Variants in DMXL2 observed in about 807,000 individuals in gnomAD.
The protein encoded by DMXL2 is Dmx like 2.
DMXL2 carries 103 observed loss-of-function variants against 331.1 expected under a neutral mutation model. The observed-to-expected ratio is 0.31, with a 90% CI of 0.27 to 0.37. The LOEUF is 0.37. Ranked by LOEUF, DMXL2 falls within the 10% of genes least tolerant of loss-of-function variation. The pLI is 1.00. For missense variants in DMXL2, 3,171 were observed against 3,642.9 expected, an observed-to-expected ratio of 0.87 and a Z score of 3.33; for synonymous variants, 1,281 against 1,252.1, an observed-to-expected ratio of 1.02 and a Z score of -0.49.
intron 1 of DMXL2, among the ~76,000 whole-genome samples, chr15:51,592,473 A>AC (rs2052447081): frequency 6.6e-6 from 1 of 152,238 alleles, no homozygotes; most frequent in Non-Finnish European, 1.5e-5. Flanking sequence ...GGACAATGGA[A>AC]CCAAGTTGGA....
At chr15:51,594,714 C>A (rs1270068904) in intron 1 of DMXL2, among the ~76,000 whole-genome samples, 1 of 152,152 alleles carries the variant, frequency 6.6e-6, no homozygotes, top group Non-Finnish European at 1.5e-5. Flanking sequence ...AGCTTATCCA[C>A]CATGATCAAG....
intron 33 of DMXL2, chr15:51,460,124 AAG>A: frequency 1.0e-6 from 1 of 962,312 alleles, no homozygotes; most frequent in Non-Finnish European, 1.2e-6. Flanking sequence ...ATTTTTCTCT[AAG>A]TAAATAAATG....
chr15:51,567,875 G>C (rs1252600274), intron 3 of DMXL2: 1 of 152,448 alleles, frequency 6.6e-6, no homozygotes, highest in Non-Finnish European at 1.5e-5. Context: ...CTTAGCCCCA[G>C]AGTTCAAGAC....
intron 20 of DMXL2, among the ~76,000 whole-genome samples, chr15:51,490,519 C>T (rs1413244766): frequency 6.6e-6 from 1 of 152,220 alleles, no homozygotes; most frequent in Admixed American, 6.5e-5. Flanking sequence ...AAGAATTCCA[C>T]TTTCCTAATC....
Position 51,622,499 on chromosome 15 carries a change from T to C in DMXL2, c.47A>G (p.Asn16Ser). The change falls in exon 1 of 44, where the codon AAC becomes AGC. Residue 16 changes from asparagine (N) to serine (S), a missense_variant. Coordinates refer to ENST00000560891, the MANE Select transcript of DMXL2 (RefSeq NM_001378457.1). ...CCCGACGCTGCCCACGGAGTAGCAG[T>C]TGTCTCCAGGGTTGACAGCTCCGGT... ...VLTGAVNPGDNCYSVGSVGDV... is the reference protein window; with the variant it reads ...VLTGAVNPGDSCYSVGSVGDV... The C allele has an allele frequency of 6.4e-7, 1 of 1,570,232 alleles. No homozygotes were observed. Among genetic ancestry groups the C allele is most frequent in the Non-Finnish European group, 8.6e-7 (1 of 1,157,216 alleles).
At chr15:51,466,160 G>A in intron 30 of DMXL2, 24 bp downstream of exon 30, 2 of 1,522,170 alleles carry the variant, frequency 1.3e-6, no homozygotes, top group East Asian at 2.4e-5. Context: ...AAAAAAAAAT[G>A]AGAGAAAGAA....
intron 2 of DMXL2, among the ~76,000 whole-genome samples, chr15:51,569,335 T>C (rs929694216): frequency 4.6e-5 from 7 of 152,174 alleles, no homozygotes; most frequent in Admixed American, 3.9e-4. Context: ...AAGTTTGAAC[T>C]GGGTGGAGCC....
chr15:51,453,624 A>C lies in DMXL2; in HGVS notation c.8622T>G (p.Ser2874Arg). 6.2e-7 allele frequency: 1 copy of C among 1,613,562 alleles called. No homozygotes were observed. The highest frequency in any genetic ancestry group is 8.5e-7 in the Non-Finnish European group (1 of 1,179,770). Reference sequence around the variant, plus strand: ...TAAATGCAAAGTCACTTGTGGCTTTACTGTGGCACTGCCAACTCTACGAAA... The same window carrying C: ...TAAATGCAAAGTCACTTGTGGCTTTCCTGTGGCACTGCCAACTCTACGAAA... ...PKPYMSWQCH[S>R]KATSDFAFIT... Residue 2874 changes from serine (S) to arginine (R), a missense_variant, in exon 41 of 44, where the codon AGT becomes AGG. Physicochemically the swap from Ser to Arg is moderately radical, Grantham distance 110. This residue lies in a region of DMXL2 where 766 missense variants were observed against 940.5 expected (regional missense o/e 0.81). Transcript: ENST00000560891.
rs999667291 is a variant in DMXL2 at position 51,458,704 on chromosome 15, T to C, written c.8076+5A>G. 1 of 1,613,858 alleles carries C rather than the reference T, an allele frequency of 6.2e-7. No individual in the cohort carries two copies. Among genetic ancestry groups the C allele is most frequent in the African/African-American group, 1.3e-5 (1 of 74,900 alleles). On this transcript the variant is annotated splice_donor_5th_base_variant and intron_variant, in intron 35 of 43. Transcript: ENST00000560891. ...TACACTGTGTATAATGATGAGAGCT[T>C]TTACCTTATTAACAGAAAATGCCAT...
intron 13 of DMXL2, among the ~76,000 whole-genome samples, chr15:51,530,207 C>T (rs745645129): frequency 8.6e-5 from 13 of 151,966 alleles, no homozygotes; most frequent in Non-Finnish European, 1.9e-4. Context: ...TGTTATTCAA[C>T]GTAGTACGGA....
At chr15:51,608,453 G>A (rs1331920655) in intron 1 of DMXL2, among the ~76,000 whole-genome samples, 1 of 152,196 alleles carries the variant, frequency 6.6e-6, no homozygotes, top group African/African-American at 2.4e-5. Context: ...GCAAGAACAT[G>A]TATGTAGTTG....
chr15:51,589,624 T>A (rs966320173), intron 1 of DMXL2, among the ~76,000 whole-genome samples: 3 of 152,198 alleles, frequency 2.0e-5, no homozygotes, highest in Non-Finnish European at 4.4e-5. Context: ...GTTACTAAAG[T>A]TATCTGTGAT....
At chr15:51,477,259 T>C (rs2041661024) in intron 26 of DMXL2, among the ~76,000 whole-genome samples, 1 of 152,056 alleles carries the variant, frequency 6.6e-6, no homozygotes, top group Non-Finnish European at 1.5e-5. Context: ...TGGCTATCTT[T>C]GTGAAGTTGG....
chr15:51,600,514 G>A (rs1028531789), intron 1 of DMXL2, among the ~76,000 whole-genome samples: 1 of 152,178 alleles, frequency 6.6e-6, no homozygotes, highest in Non-Finnish European at 1.5e-5. Flanking sequence ...GGTTGCACTT[G>A]CGTGTCCTAG....
At chr15:51,586,194 C>T (rs542320923) in intron 1 of DMXL2, among the ~76,000 whole-genome samples, 9 of 152,170 alleles carry the variant, frequency 5.9e-5, no homozygotes, top group South Asian at 4.1e-4. Context: ...ATGATGAGTA[C>T]GGAAATGTTG....
intron 33 of DMXL2, among the ~76,000 whole-genome samples, chr15:51,460,868 A>T (rs1341945510): frequency 5.3e-5 from 8 of 152,184 alleles, no homozygotes; most frequent in Non-Finnish European, 1.2e-4. Context: ...TATTCAAAAC[A>T]GCAATCACTA....
intron 3 of DMXL2, 120 bp downstream of exon 3, chr15:51,568,367 T>A: frequency 1.6e-6 from 1 of 634,026 alleles, no homozygotes; most frequent in East Asian, 3.2e-5. Flanking sequence ...ACTAGACCAA[T>A]TTTTCACTGA....
chr15:51,622,610 G>A lies in DMXL2; in HGVS notation c.-65C>T, dbSNP rs890677624. The A allele has an allele frequency of 6.7e-7, 1 of 1,501,820 alleles. No individual in the cohort carries two copies. The highest frequency in any genetic ancestry group is 2.2e-5 in the Admixed American group (1 of 45,968). The allele number at this position is 1,501,820 out of a possible 1,614,324, so 93.0% of individuals were successfully genotyped here. On this transcript the variant is annotated 5_prime_UTR_variant, in exon 1 of 44. Transcript: ENST00000560891. ...ACAAGCTCCGCGCCTGACCCTCCTC[G>A]GGCTGCGAGAGCCGTTTCCCTCTGT... is the stretch of plus-strand genomic sequence containing the variant.
intron 1 of DMXL2, among the ~76,000 whole-genome samples, chr15:51,614,325 GC>G (rs1283801733): frequency 6.6e-6 from 1 of 152,180 alleles, no homozygotes; most frequent in Non-Finnish European, 1.5e-5. Flanking sequence ...TGTTATGGCA[GC>G]CCCAGCAAAT....
Sources: gnomAD v4.1 joint callset for allele counts (sites outside exome capture counted in the v4.1 genomes callset) on GRCh38, gnomAD v4.1.1 for gene constraint, gnomAD v4.1.1 regional missense constraint, MANE v1.5 for transcripts, NCBI Gene and HGNC (gene_info 2026-07-23, HGNC 2026-07-21) for gene names.